CHST11: variants seen among roughly 807,000 people sequenced by gnomAD.
CHST11 encodes C4S-1.
A neutral mutation model predicts 30.4 loss-of-function variants in CHST11; 9 were observed. The ratio of observed to expected loss-of-function variants is 0.30; its 90% CI spans 0.18 to 0.52. CHST11 has a LOEUF of 0.52. Ranked by LOEUF, CHST11 falls within the 20% of genes least tolerant of loss-of-function variation. The pLI, the probability that CHST11 is intolerant of heterozygous loss-of-function variation, is 0.97. For synonymous variants in CHST11, 152 were observed against 187.8 expected (o/e 0.81, Z 1.56); for missense variants, 348 against 460.6 (o/e 0.76, Z 2.24).
intron 2 of CHST11, among the ~76,000 whole-genome samples, chr12:104,634,575 T>C (rs1489104552): frequency 6.6e-6 from 1 of 152,224 alleles, no homozygotes; most frequent in Non-Finnish European, 1.5e-5. Flanking sequence ...TCTCCCCTCT[T>C]CAACTTCTGT....
intron 2 of CHST11, among the ~76,000 whole-genome samples, chr12:104,634,944 G>C (rs909315509): frequency 1.4e-4 from 21 of 152,188 alleles, no homozygotes; most frequent in African/African-American, 4.8e-4. Flanking sequence ...AAGGGAAGGA[G>C]GGAGGAAGGG....
chr12:104,759,977 G>A lies in CHST11; in HGVS notation c.*2174G>A, dbSNP rs1232329642. Reference sequence around the variant, plus strand: ...GTTCCAGGAGGCATCAGGTTGGTGTGATGCAGACTAAGGGTTTTGTGGTCA... The same window carrying A: ...GTTCCAGGAGGCATCAGGTTGGTGTAATGCAGACTAAGGGTTTTGTGGTCA... On this transcript the variant is annotated 3_prime_UTR_variant, in exon 3 of 3. Transcript: ENST00000303694. 1 of 152,220 alleles carries A rather than the reference G, an allele frequency of 6.6e-6. No homozygotes were observed. Among genetic ancestry groups the A allele is most frequent in the Non-Finnish European group, 1.5e-5 (1 of 68,046 alleles). 9.4% of individuals were successfully genotyped at this position (152,220 alleles called of 1,614,324 possible).
chr12:104,697,543 G>T (rs1173201188), intron 2 of CHST11, among the ~76,000 whole-genome samples: 3 of 152,040 alleles, frequency 2.0e-5, no homozygotes, highest in Non-Finnish European at 4.4e-5. Context: ...GACATATCAT[G>T]GGACTTCACA....
chr12:104,697,413 G>A (rs967597652), intron 2 of CHST11, among the ~76,000 whole-genome samples: 5 of 152,170 alleles, frequency 3.3e-5, no homozygotes, highest in Non-Finnish European at 5.9e-5. Context: ...CAAACAAAAA[G>A]GTGGAGGAAG....
chr12:104,741,261 G>A (rs564904297), intron 2 of CHST11, among the ~76,000 whole-genome samples: 73 of 152,316 alleles, frequency 4.8e-4, no homozygotes, highest in African/African-American at 1.6e-3. Flanking sequence ...GTGGTTACTG[G>A]GGAGAGAACG....
At chr12:104,704,399 G>T (rs532835372) in intron 2 of CHST11, among the ~76,000 whole-genome samples, 1 of 152,154 alleles carries the variant, frequency 6.6e-6, no homozygotes, top group African/African-American at 2.4e-5. Context: ...TGCGGGAGCC[G>T]GGCAGCAGCC....
intron 1 of CHST11, among the ~76,000 whole-genome samples, chr12:104,474,696 G>A (rs1228900341): frequency 6.6e-6 from 1 of 152,100 alleles, no homozygotes; most frequent in Non-Finnish European, 1.5e-5. Context: ...GGTCATTGCT[G>A]AGTGTTCGAT....
chr12:104,693,449 G>C (rs1205613026), intron 2 of CHST11, among the ~76,000 whole-genome samples: 1 of 152,210 alleles, frequency 6.6e-6, no homozygotes, highest in African/African-American at 2.4e-5. Flanking sequence ...ATTAATATTT[G>C]TGCTGGGTCA....
intron 1 of CHST11, among the ~76,000 whole-genome samples, chr12:104,568,159 G>A (rs1169552900): frequency 2.0e-5 from 3 of 152,150 alleles, no homozygotes; most frequent in African/African-American, 7.2e-5. Context: ...CCATGATCAG[G>A]GCTGCTGTTT....
intron 1 of CHST11, among the ~76,000 whole-genome samples, chr12:104,475,932 G>T (rs1168079474): frequency 7.0e-6 from 1 of 142,186 alleles, no homozygotes; most frequent in Non-Finnish European, 1.5e-5. Flanking sequence ...TTAGAAGCGG[G>T]TCCCTTATAT....
intron 1 of CHST11, among the ~76,000 whole-genome samples, chr12:104,482,526 G>A (rs2037636414): frequency 6.6e-6 from 1 of 152,082 alleles, no homozygotes; most frequent in Non-Finnish European, 1.5e-5. Flanking sequence ...TGTCATTTTG[G>A]CTTTTCCCAC....
At chr12:104,665,392 T>G (rs1018404388) in intron 2 of CHST11, among the ~76,000 whole-genome samples, 3 of 152,156 alleles carry the variant, frequency 2.0e-5, no homozygotes, top group African/African-American at 7.2e-5. Flanking sequence ...AAATGTATCA[T>G]AGTCCAGAAA....
chr12:104,582,219 T>C (rs559579557), intron 1 of CHST11, among the ~76,000 whole-genome samples: 1 of 152,248 alleles, frequency 6.6e-6, no homozygotes, highest in African/African-American at 2.4e-5. Context: ...TTCCATCTTA[T>C]TGGTGAGCAA....
At chr12:104,683,412 A>T (rs577131722) in intron 2 of CHST11, among the ~76,000 whole-genome samples, 2 of 152,330 alleles carry the variant, frequency 1.3e-5, no homozygotes, top group South Asian at 4.1e-4. Context: ...TTCACTTCGA[A>T]TCACATTTTG....
intron 1 of CHST11, among the ~76,000 whole-genome samples, chr12:104,573,890 C>G (rs11112107): frequency 6.6e-6 from 1 of 152,156 alleles, no homozygotes; most frequent in African/African-American, 2.4e-5. Flanking sequence ...ACCTTCTGCA[C>G]AGCAAAAGAA....
chr12:104,561,772 G>GT (rs1351105657), intron 1 of CHST11, among the ~76,000 whole-genome samples: 1 of 151,052 alleles, frequency 6.6e-6, no homozygotes, highest in Non-Finnish European at 1.5e-5. Flanking sequence ...GTCTTACTGC[G>GT]TAGGTCCCAT....
intron 2 of CHST11, 107 bp from the exon 3 acceptor site, chr12:104,756,842 C>A: frequency 7.4e-7 from 1 of 1,348,480 alleles, no homozygotes; most frequent in Non-Finnish European, 1.0e-6. Flanking sequence ...CCACTGCACC[C>A]AGCTTAGATA....
chr12:104,608,846 G>A (rs1296380739), intron 2 of CHST11, among the ~76,000 whole-genome samples: 1 of 152,128 alleles, frequency 6.6e-6, no homozygotes, highest in Non-Finnish European at 1.5e-5. Context: ...TGCCTATAGT[G>A]CTAGACATCC....
chr12:104,470,137 G>T (rs2037493778), intron 1 of CHST11, among the ~76,000 whole-genome samples: 1 of 152,336 alleles, frequency 6.6e-6, no homozygotes, highest in East Asian at 1.9e-4. Context: ...ACAATGGATA[G>T]GATAGACTTC....
Sources: allele counts gnomAD v4.1 joint callset (sites outside exome capture counted in the v4.1 genomes callset), GRCh38; gene constraint gnomAD v4.1.1; transcripts MANE v1.5; gene names NCBI Gene and HGNC (gene_info 2026-07-23, HGNC 2026-07-21).